The following LRFN2 variants were observed in gnomAD, a reference collection of about 807,000 sequenced individuals.
LRFN2 encodes leucine-rich repeat and fibronectin type-III domain-containing protein 2.
A neutral mutation model predicts 37.3 loss-of-function variants in LRFN2; 18 were observed. The ratio of observed to expected loss-of-function variants is 0.48; its 90% CI spans 0.33 to 0.72. The LOEUF is 0.72. LRFN2 is among the 30% of genes least tolerant of loss of function. LRFN2 has a pLI of 0.02. For missense variants in LRFN2, 1,006 were observed against 1,060.7 expected, an observed-to-expected ratio of 0.95 and a Z score of 0.72; for synonymous variants, 556 against 466.6, an observed-to-expected ratio of 1.19 and a Z score of -2.47.
intron 2 of LRFN2, among the ~76,000 whole-genome samples, chr6:40,404,347 A>G (rs1762802929): frequency 6.6e-6 from 1 of 152,146 alleles, no homozygotes; most frequent in Non-Finnish European, 1.5e-5. Context: ...AACACCTAGA[A>G]TGATACTTGG....
At chr6:40,532,530 G>T (rs1291530143) in intron 1 of LRFN2, among the ~76,000 whole-genome samples, 2 of 152,164 alleles carry the variant, frequency 1.3e-5, no homozygotes, top group Non-Finnish European at 2.9e-5. Context: ...CCAGGAAGTG[G>T]CATAGTTGAA....
chr6:40,517,881 T>A (rs1581770561), intron 1 of LRFN2, among the ~76,000 whole-genome samples: 1 of 152,120 alleles, frequency 6.6e-6, no homozygotes, highest in Non-Finnish European at 1.5e-5. Flanking sequence ...AGAGACTGAA[T>A]CACTCAATCA....
chr6:40,451,781 G>A (rs1236863912), intron 1 of LRFN2, among the ~76,000 whole-genome samples: 1 of 152,080 alleles, frequency 6.6e-6, no homozygotes, highest in African/African-American at 2.4e-5. Flanking sequence ...ATGTGATCAG[G>A]GGAGGCAAGG....
Position 40,472,014 on chromosome 6 carries a change from C to T in LRFN2, c.-18-38883G>A, listed in dbSNP as rs542317108. Among the ~76,000 whole-genome samples the T allele has an allele frequency of 6.6e-5, 10 of 152,280 alleles. No homozygotes were observed. In the East Asian group the frequency reaches 1.7e-3, roughly 27 times the overall value. On this transcript the variant is annotated intron_variant, in intron 1 of 2. Transcript: ENST00000338305. Reference sequence around the variant, plus strand: ...ACAGGGACCCAGTGACTTGCATTACCCAATAACAAATAGATGCCCCAGCCC... The same window carrying T: ...ACAGGGACCCAGTGACTTGCATTACTCAATAACAAATAGATGCCCCAGCCC...
intron 2 of LRFN2, among the ~76,000 whole-genome samples, chr6:40,408,175 T>C (rs2436759): frequency 0.32 from 48,487 of 152,104 alleles, 8,554 homozygotes; most frequent in South Asian, 0.58. Context: ...AACAATATGA[T>C]GTATTTAGTG....
At chr6:40,433,273 A>G (rs780764183) in intron 1 of LRFN2, 142 bp from the exon 2 acceptor site, 12 of 586,466 alleles carry the variant, frequency 2.0e-5, no homozygotes, top group Non-Finnish European at 3.1e-5. Flanking sequence ...AATCTCTTCC[A>G]TGAATCCCTC....
chr6:40,403,611 T>C (rs1413299765), intron 2 of LRFN2, among the ~76,000 whole-genome samples: 4 of 152,148 alleles, frequency 2.6e-5, no homozygotes, highest in African/African-American at 9.7e-5. Flanking sequence ...CCCCAATCAT[T>C]GCCTCAATCC....
At chr6:40,477,090 T>C (rs1764726426) in intron 1 of LRFN2, among the ~76,000 whole-genome samples, 2 of 151,994 alleles carry the variant, frequency 1.3e-5, no homozygotes, top group Admixed American at 6.6e-5. Flanking sequence ...TTACAAGGAG[T>C]TTTACAAAAT....
chr6:40,543,798 G>A (rs1196433600), intron 1 of LRFN2, among the ~76,000 whole-genome samples: 1 of 152,158 alleles, frequency 6.6e-6, no homozygotes, highest in Non-Finnish European at 1.5e-5. Flanking sequence ...CTGGGTTTTT[G>A]CCTCCTCTCA....
intron 1 of LRFN2, among the ~76,000 whole-genome samples, chr6:40,479,136 G>C (rs996631175): frequency 6.6e-6 from 1 of 152,182 alleles, no homozygotes; most frequent in African/African-American, 2.4e-5. Context: ...GATGATAATG[G>C]TTCCTACCGC....
intron 2 of LRFN2, among the ~76,000 whole-genome samples, chr6:40,406,228 A>C (rs886681819): frequency 1.3e-5 from 2 of 152,192 alleles, no homozygotes; most frequent in African/African-American, 4.8e-5. Context: ...GAAATGAGCG[A>C]ATCTCTGTGA....
intron 1 of LRFN2, among the ~76,000 whole-genome samples, chr6:40,559,670 A>G (rs1182239152): frequency 6.6e-6 from 1 of 152,080 alleles, no homozygotes; most frequent in African/African-American, 2.4e-5. Flanking sequence ...CAGAGTCCCT[A>G]AAGGGGCTAG....
intron 1 of LRFN2, among the ~76,000 whole-genome samples, chr6:40,498,745 G>T (rs1293597076): frequency 6.6e-6 from 1 of 152,164 alleles, no homozygotes; most frequent in African/African-American, 2.4e-5. Flanking sequence ...CATGATCCCT[G>T]CCCTCAGGAA....
intron 1 of LRFN2, among the ~76,000 whole-genome samples, chr6:40,480,153 T>A (rs1332322035): frequency 6.6e-6 from 1 of 152,250 alleles, no homozygotes; most frequent in Non-Finnish European, 1.5e-5. Flanking sequence ...TGGGTATTAT[T>A]ATCCCTGTTT....
chr6:40,417,959 C>T lies in LRFN2; in HGVS notation c.1400+13755G>A, dbSNP rs541879933. ...CTATCCCTGCCTGCTGCGGTATATT[C>T]TCCAACCAGCAGCAGAATCTTCTTT... On this transcript the variant is annotated intron_variant, in intron 2 of 2. Transcript: ENST00000338305. Among the ~76,000 whole-genome samples, 9 of 152,314 alleles carry T rather than the reference C, an allele frequency of 5.9e-5. No homozygotes were observed. The South Asian group carries it at 1.9e-3, about 32-fold the overall frequency.
chr6:40,533,753 C>A (rs1766396589), intron 1 of LRFN2, among the ~76,000 whole-genome samples: 1 of 152,168 alleles, frequency 6.6e-6, no homozygotes, highest in South Asian at 2.1e-4. Flanking sequence ...TCCTGAGAAG[C>A]ATGCTGTGGA....
intron 1 of LRFN2, among the ~76,000 whole-genome samples, chr6:40,461,542 C>A (rs1413306277): frequency 2.6e-5 from 4 of 151,392 alleles, no homozygotes; most frequent in African/African-American, 9.7e-5. Context: ...GAAAATACAG[C>A]AGTAAACAAG....
intron 2 of LRFN2, among the ~76,000 whole-genome samples, chr6:40,418,554 G>A (rs933098800): frequency 1.3e-5 from 2 of 152,096 alleles, no homozygotes; most frequent in Non-Finnish European, 2.9e-5. Context: ...ATGAATATCT[G>A]GTTCCAAATA....
chr6:40,584,372 G>T (rs2113802411), intron 1 of LRFN2, among the ~76,000 whole-genome samples: 1 of 152,284 alleles, frequency 6.6e-6, no homozygotes, highest in East Asian at 1.9e-4. Flanking sequence ...ATATGGCAGA[G>T]CCAGAATTTG....
Sources: allele counts gnomAD v4.1 joint callset (sites outside exome capture counted in the v4.1 genomes callset), GRCh38; gene constraint gnomAD v4.1.1; transcripts MANE v1.5; gene names NCBI Gene and HGNC (gene_info 2026-07-23, HGNC 2026-07-21).